FOXN3: variants seen among roughly 807,000 people sequenced by gnomAD.
The protein encoded by FOXN3 is forkhead box N3, also known as forkhead box protein N3.
In FOXN3, 7 loss-of-function variants were observed where a neutral mutation model predicts 38.4. The ratio of observed to expected loss-of-function variants is 0.18; its 90% confidence interval spans 0.10 to 0.34. The LOEUF is 0.34. Among genes scored for constraint, FOXN3 ranks in the 10% least tolerant of loss-of-function variants. The probability of loss-of-function intolerance (pLI) is 1.00; values close to 1 mark genes in which losing one functional copy is unlikely to be tolerated. For synonymous variants in FOXN3, 230 were observed against 242.2 expected (o/e 0.95, Z 0.47); for missense variants, 456 against 613.4 (o/e 0.74, Z 2.71).
upstream of FOXN3, among the ~76,000 whole-genome samples, chr14:89,418,506 C>T (rs1473886611): frequency 6.9e-6 from 1 of 145,070 alleles, no homozygotes; most frequent in African/African-American, 2.6e-5. Flanking sequence ...TCAGACTCAC[C>T]GGAGACCTTA....
Position 89,446,099 on chromosome 14 carries a change from A to T in FOXN3, c.-14-33609T>A, listed in dbSNP as rs57289752. Among the ~76,000 whole-genome samples the T allele has an allele frequency of 3.4e-3, 508 of 147,774 alleles. 21 individuals carry two copies. The highest frequency in any genetic ancestry group is 0.012 in the African/African-American group (490 of 40,084). On this transcript the variant is annotated intron_variant, in intron 1 of 6. Transcript: ENST00000345097. ...CGAGACCCTGCCTCAAAAAAAAAAA[A>T]AAAAAAAAAAAATTTTAAGGAAGAG...
intron 4 of FOXN3, among the ~76,000 whole-genome samples, chr14:89,259,075 A>G (rs1219443832): frequency 6.6e-6 from 1 of 152,246 alleles, no homozygotes; most frequent in African/African-American, 2.4e-5. Flanking sequence ...TGAAGACTAC[A>G]GATTCTGGGC....
At chr14:89,244,111 A>G (rs1490771710) in intron 4 of FOXN3, among the ~76,000 whole-genome samples, 2 of 152,254 alleles carry the variant, frequency 1.3e-5, no homozygotes, top group African/African-American at 2.4e-5. Context: ...TTAATACTAG[A>G]GATCTGGGAA....
chr14:89,614,588 C>A (rs953625803), intron 1 of FOXN3, among the ~76,000 whole-genome samples: 1 of 152,198 alleles, frequency 6.6e-6, no homozygotes, highest in African/African-American at 2.4e-5. Context: ...CAGGGCTCTG[C>A]AAGCAATTCC....
chr14:89,567,532 G>A (rs71415428), intron 1 of FOXN3, among the ~76,000 whole-genome samples: 338 of 13,538 alleles, frequency 0.025, 12 homozygotes, highest in African/African-American at 0.041. Flanking sequence ...AAAAGGTACA[G>A]AGCGATACTA....
chr14:89,407,509 T>C (rs12431798), intron 2 of FOXN3, among the ~76,000 whole-genome samples: 47,243 of 152,064 alleles, frequency 0.31, 8,333 homozygotes, highest in East Asian at 0.61. Context: ...ACCGAAATGT[T>C]TGAATTGTAA....
intron 1 of FOXN3, among the ~76,000 whole-genome samples, chr14:89,543,707 A>G (rs554797378): frequency 1.3e-5 from 2 of 152,288 alleles, no homozygotes; most frequent in South Asian, 2.1e-4. Flanking sequence ...ATGGATTAAA[A>G]CCGAATAAAA....
At chr14:89,206,780 C>T (rs892118173) in intron 4 of FOXN3, among the ~76,000 whole-genome samples, 28 of 152,346 alleles carry the variant, frequency 1.8e-4, no homozygotes, top group African/African-American at 6.5e-4. Flanking sequence ...CTGCGGTTTT[C>T]TCTCATCCTT....
At chr14:89,295,567 A>C (rs1361872598) in intron 3 of FOXN3, among the ~76,000 whole-genome samples, 2 of 151,930 alleles carry the variant, frequency 1.3e-5, no homozygotes, top group Non-Finnish European at 2.9e-5. Flanking sequence ...AATTATCTCA[A>C]ACACTAAGGA....
intron 4 of FOXN3, among the ~76,000 whole-genome samples, chr14:89,275,206 A>T (rs1475458834): frequency 6.6e-6 from 1 of 152,114 alleles, no homozygotes; most frequent in Non-Finnish European, 1.5e-5. Context: ...GATCCAAAGG[A>T]CCTTGGAAAA....
intron 1 of FOXN3, among the ~76,000 whole-genome samples, chr14:89,478,895 G>C (rs1299881845): frequency 8.0e-6 from 1 of 124,364 alleles, no homozygotes; most frequent in Non-Finnish European, 1.6e-5. Context: ...TCTAGCCATT[G>C]CACTCCAGCC....
intron 1 of FOXN3, among the ~76,000 whole-genome samples, chr14:89,593,070 A>C (rs1895990958): frequency 8.2e-6 from 1 of 121,682 alleles, no homozygotes; most frequent in African/African-American, 3.1e-5. Flanking sequence ...ACAAGGAGGG[A>C]GGGAGGGAAT....
At chr14:89,325,300 A>G (rs1255489258) in intron 3 of FOXN3, among the ~76,000 whole-genome samples, 4 of 138,930 alleles carry the variant, frequency 2.9e-5, no homozygotes, top group African/African-American at 1.1e-4. Flanking sequence ...CACCAACACC[A>G]ACACCACCAC....
At chr14:89,490,218 G>A (rs1460945846) in intron 1 of FOXN3, among the ~76,000 whole-genome samples, 1 of 152,174 alleles carries the variant, frequency 6.6e-6, no homozygotes, top group Non-Finnish European at 1.5e-5. Flanking sequence ...TGTCCTCAGC[G>A]ACGGCTAATG....
intron 3 of FOXN3, among the ~76,000 whole-genome samples, chr14:89,306,735 C>G (rs1305376610): frequency 6.6e-6 from 1 of 152,122 alleles, no homozygotes; most frequent in East Asian, 1.9e-4. Context: ...ACTACAAAGT[C>G]AGAACTAGGA....
intron 3 of FOXN3, among the ~76,000 whole-genome samples, chr14:89,325,314 G>GACC (rs774094314): frequency 7.8e-4 from 79 of 101,800 alleles, no homozygotes; most frequent in African/African-American, 2.3e-3. Context: ...CCACCACCAC[G>GACC]ACCACCACCA....
intron 1 of FOXN3, among the ~76,000 whole-genome samples, chr14:89,617,060 G>GTGGT (rs1896509047): frequency 1.3e-5 from 2 of 152,104 alleles, no homozygotes; most frequent in African/African-American, 4.8e-5. Context: ...GGTCATGGTA[G>GTGGT]AGTATGTATG....
chr14:89,513,309 AG>A (rs899153805), intron 1 of FOXN3, among the ~76,000 whole-genome samples: 24 of 151,674 alleles, frequency 1.6e-4, no homozygotes, highest in African/African-American at 5.6e-4. Flanking sequence ...TCTGTGGCCC[AG>A]GCTGGAGTGC....
rs1252842564 is a variant in FOXN3 at position 89,547,288 on chromosome 14, T to C, written c.-15+71740A>G. 2.6e-5 allele frequency among the ~76,000 whole-genome samples: 4 copies of C among 151,906 alleles called. No individual in the cohort carries two copies. In the East Asian group the frequency reaches 7.8e-4, roughly 29 times the overall value. ...ATTTATTTTTGAGACATAGTTTTGC[T>C]CTGTTGCCCAGGCTGGAGTGCAGTG... On this transcript the variant is annotated intron_variant, in intron 1 of 6. Coordinates refer to the FOXN3 transcript ENST00000345097.
Sources: gnomAD v4.1 joint callset for allele counts (sites outside exome capture counted in the v4.1 genomes callset) on GRCh38, gnomAD v4.1.1 for gene constraint, MANE v1.5 for transcripts, NCBI Gene and HGNC (gene_info 2026-07-23, HGNC 2026-07-21) for gene names.